EPHA4: variants seen among roughly 807,000 people sequenced by gnomAD.
The protein encoded by EPHA4 is ephrin type-A receptor 4.
A neutral mutation model predicts 108.3 loss-of-function variants in EPHA4; 19 were observed. That is an observed-to-expected ratio of 0.18 (90% CI 0.12 to 0.26). The LOEUF (loss-of-function observed/expected upper bound fraction) is 0.26. Ranked by LOEUF, EPHA4 falls within the 10% of genes least tolerant of loss-of-function variation. The pLI is 1.00. For synonymous variants in EPHA4, 449 were observed against 455.5 expected (o/e 0.99, Z 0.18); for missense variants, 917 against 1,254.0 (o/e 0.73, Z 4.06).
rs757397148 is a variant in EPHA4 at position 221,426,074 on chromosome 2, A to G, written c.2915T>C (p.Met972Thr). The change falls in exon 17 of 18, where the codon ATG becomes ACG. Residue 972 changes from methionine (M) to threonine (T), a missense_variant. This residue lies in a region of EPHA4 where 26 missense variants were observed against 44.4 expected (regional missense o/e 0.59). Transcript: ENST00000281821. ...GTGCATCTGCTGCATTTGGGTTCGC[A>G]TTGCCTGGACACTGCTCAAAATCTT... Reference protein sequence around the residue: ...QNKILSSVQAMRTQMQQMHGR... With the variant: ...QNKILSSVQATRTQMQQMHGR... 63 of 1,614,122 alleles carry G rather than the reference A, an allele frequency of 3.9e-5. No individual in the cohort carries two copies. The highest frequency in any genetic ancestry group is 1.3e-4 in the African/African-American group (10 of 75,016).
intron 4 of EPHA4, 92 bp downstream of exon 4, chr2:221,500,925 T>C: frequency 1.5e-6 from 2 of 1,331,400 alleles, no homozygotes; most frequent in Non-Finnish European, 1.0e-6. Flanking sequence ...GCCCCCTGAA[T>C]GATTATCCCA....
At chr2:221,535,318 C>T (rs1693635822) in intron 3 of EPHA4, among the ~76,000 whole-genome samples, 1 of 152,168 alleles carries the variant, frequency 6.6e-6, no homozygotes, top group Non-Finnish European at 1.5e-5. Flanking sequence ...TAATCAGTAC[C>T]TCAAATGATT....
At chr2:221,541,879 A>C (rs1383460384) in intron 3 of EPHA4, among the ~76,000 whole-genome samples, 1 of 152,230 alleles carries the variant, frequency 6.6e-6, no homozygotes, top group Non-Finnish European at 1.5e-5. Flanking sequence ...TTTACTTTGC[A>C]TGCAGCAGCA....
chr2:221,547,134 T>C (rs1384460003), intron 3 of EPHA4, among the ~76,000 whole-genome samples: 6 of 152,226 alleles, frequency 3.9e-5, no homozygotes, highest in African/African-American at 1.4e-4. Flanking sequence ...TTCCATCTTT[T>C]TTCCCTTTTC....
chr2:221,449,357 G>A (rs1408680407), intron 8 of EPHA4, among the ~76,000 whole-genome samples: 1 of 152,188 alleles, frequency 6.6e-6, no homozygotes, highest in African/African-American at 2.4e-5. Context: ...GCCTGAAGAA[G>A]TCCTAACTCA....
intron 8 of EPHA4, among the ~76,000 whole-genome samples, chr2:221,453,601 C>A (rs935497422): frequency 2.0e-5 from 3 of 152,082 alleles, no homozygotes; most frequent in Non-Finnish European, 2.9e-5. Context: ...AGATATTCTG[C>A]TGTTTAGAAT....
At chr2:221,424,141 T>C (rs1574550106) in intron 17 of EPHA4, among the ~76,000 whole-genome samples, 1 of 93,748 alleles carries the variant, frequency 1.1e-5, no homozygotes, top group Non-Finnish European at 2.4e-5. Flanking sequence ...ATAATAATAA[T>C]TTTTTTTTTT....
At chr2:221,465,291 A>C (rs928531702) in intron 5 of EPHA4, among the ~76,000 whole-genome samples, 3 of 152,246 alleles carry the variant, frequency 2.0e-5, no homozygotes, top group African/African-American at 4.8e-5. Flanking sequence ...GTTTAATAGA[A>C]GACGAAAATT....
intron 3 of EPHA4, 91 bp downstream of exon 3, chr2:221,563,640 T>A: frequency 6.8e-7 from 1 of 1,462,148 alleles, no homozygotes. Flanking sequence ...CAGGGGCTAC[T>A]AATTACTGGC....
intron 3 of EPHA4, among the ~76,000 whole-genome samples, chr2:221,533,554 C>A (rs762666549): frequency 6.6e-6 from 1 of 151,984 alleles, no homozygotes; most frequent in African/African-American, 2.4e-5. Flanking sequence ...ATCTGTGTGA[C>A]TCCTAAAGTC....
Position 221,501,035 on chromosome 2 carries a change from C to T in EPHA4, c.961G>A (p.Ala321Thr). The T allele has an allele frequency of 1.9e-6, 3 of 1,610,812 alleles. No individual in the cohort carries two copies. The highest frequency in any genetic ancestry group is 1.7e-5 in the Admixed American group (1 of 59,470). The change falls in exon 4 of 18, where the codon GCC becomes ACC. Residue 321 changes from alanine to threonine, a missense_variant. Around this residue, in one of 3 missense-constraint regions of EPHA4, gnomAD observed 758 missense variants for 1,076.7 expected, o/e 0.70. Coordinates refer to ENST00000281821, the MANE Select transcript of EPHA4 (RefSeq NM_004438.5). The stretch of plus-strand genomic sequence containing the variant: ...AACTTACGGGTGCAGGGCATAGAGG[C>T]AGCATCGTTGTCAGCTCTGAAAAAG... ...RGFFRADNDA[A>T]SMPCTRPPSA...
chr2:221,426,739 G>T (rs1429563932), intron 15 of EPHA4, 120 bp from the exon 16 acceptor site: 10 of 870,774 alleles, frequency 1.1e-5, no homozygotes, highest in South Asian at 1.6e-5. Context: ...GGTTTTAAAT[G>T]GAACAATTGT....
At chr2:221,483,680 A>G (rs1249051701) in intron 4 of EPHA4, among the ~76,000 whole-genome samples, 2 of 151,942 alleles carry the variant, frequency 1.3e-5, no homozygotes, top group African/African-American at 4.8e-5. Flanking sequence ...CACACCTGCT[A>G]TCTTTGGCGG....
intron 5 of EPHA4, among the ~76,000 whole-genome samples, chr2:221,466,256 G>T (rs1691311926): frequency 6.6e-6 from 1 of 152,172 alleles, no homozygotes; most frequent in Non-Finnish European, 1.5e-5. Flanking sequence ...AAAATGGTTT[G>T]GTTGAGTTTT....
intron 5 of EPHA4, among the ~76,000 whole-genome samples, chr2:221,478,092 T>C (rs78287949): frequency 6.3e-4 from 96 of 152,050 alleles, no homozygotes; most frequent in African/African-American, 2.2e-3. Context: ...GGGACCATAA[T>C]GATTTAAAAC....
At chr2:221,499,686 T>C (rs1001485013) in intron 4 of EPHA4, among the ~76,000 whole-genome samples, 2 of 115,218 alleles carry the variant, frequency 1.7e-5, no homozygotes, top group Non-Finnish European at 3.4e-5. Flanking sequence ...GGAAACAAAA[T>C]AATAATAGTC....
Position 221,564,182 on chromosome 2 carries a change from C to T in EPHA4, c.372G>A (p.Leu124=), listed in dbSNP as rs1248074011. ...VMGTCKETFN[L]YYYESDNDKE... is the part of the protein sequence containing the mutation. ...TGTCGTTGTCTGATTCATAGTAGTACAGGTTAAACGTCTCCTTGCAAGTCC... is the reference window on the plus strand; with the variant it reads ...TGTCGTTGTCTGATTCATAGTAGTATAGGTTAAACGTCTCCTTGCAAGTCC... Residue 124 remains leucine, a synonymous_variant, in exon 3 of 18, where the codon CTG becomes CTA. Transcript: ENST00000281821. 1 of 1,614,128 alleles carries T rather than the reference C, an allele frequency of 6.2e-7. No homozygotes were observed. The highest frequency in any genetic ancestry group is 2.2e-5 in the East Asian group (1 of 44,866).
rs747141421 is a variant in EPHA4, at chr2:221,446,109, C to A, written c.1774+14G>T. 3 of 1,523,286 alleles carry A rather than the reference C, an allele frequency of 2.0e-6. No individual in the cohort carries two copies. The highest frequency in any genetic ancestry group is 1.3e-5 in the South Asian group (1 of 74,124). 94.4% of individuals were successfully genotyped at this position (1,523,286 alleles called of 1,614,324 possible). ...TGCTCTAAAAATAGAATTTTTTAAT[C>A]CAATTTTTTGTACCTTGATTCAAAT... On this transcript the variant is annotated intron_variant, in intron 9 of 17. Transcript: ENST00000281821.
At chr2:221,559,304 A>G (rs1574659319) in intron 3 of EPHA4, among the ~76,000 whole-genome samples, 1 of 152,192 alleles carries the variant, frequency 6.6e-6, no homozygotes, top group Non-Finnish European at 1.5e-5. Flanking sequence ...TTTTATTGGT[A>G]TTATTTTTTA....
Sources: gnomAD v4.1 joint callset for allele counts (sites outside exome capture counted in the v4.1 genomes callset) on GRCh38, gnomAD v4.1.1 for gene constraint, gnomAD v4.1.1 regional missense constraint, MANE v1.5 for transcripts, NCBI Gene and HGNC (gene_info 2026-07-23, HGNC 2026-07-21) for gene names.